DSCAM: variants seen among roughly 807,000 people sequenced by gnomAD.
DSCAM encodes cell adhesion molecule DSCAM.
A neutral mutation model predicts 217.7 loss-of-function variants in DSCAM; 47 were observed. The observed-to-expected ratio is 0.22, with a 90% CI of 0.17 to 0.28. The LOEUF (loss-of-function observed/expected upper bound fraction) is 0.28, where lower values mean the gene tolerates loss of function less well. Ranked by LOEUF, DSCAM falls within the 10% of genes least tolerant of loss-of-function variation. The pLI, the probability that DSCAM is intolerant of heterozygous loss-of-function variation, is 1.00. For missense variants in DSCAM, 2,080 were observed against 2,618.3 expected, an observed-to-expected ratio of 0.79 and a Z score of 4.49; for synonymous variants, 1,056 against 1,015.3, an observed-to-expected ratio of 1.04 and a Z score of -0.76.
intron 11 of DSCAM, among the ~76,000 whole-genome samples, chr21:40,248,954 C>T (rs565582552): frequency 6.6e-6 from 1 of 152,108 alleles, no homozygotes. Context: ...AAAGCAGAAA[C>T]CCCTGATAAA....
intron 10 of DSCAM, among the ~76,000 whole-genome samples, chr21:40,278,510 A>G (rs1184440166): frequency 6.6e-6 from 1 of 152,136 alleles, no homozygotes; most frequent in Admixed American, 6.6e-5. Flanking sequence ...GGGTGGGGGC[A>G]AGACTTGAGA....
At chr21:40,450,883 A>C (rs114673473) in intron 3 of DSCAM, among the ~76,000 whole-genome samples, 2,946 of 152,192 alleles carry the variant, frequency 0.019, 110 homozygotes, top group African/African-American at 0.067. Context: ...TCTTTTTTGC[A>C]TCTTAGGATT....
intron 11 of DSCAM, among the ~76,000 whole-genome samples, chr21:40,262,051 C>CACTT (rs2073460384): frequency 6.6e-6 from 1 of 152,066 alleles, no homozygotes; most frequent in African/African-American, 2.4e-5. Context: ...CTCTCCCTCT[C>CACTT]GCTTTCTTTC....
intron 3 of DSCAM, among the ~76,000 whole-genome samples, chr21:40,422,361 G>A (rs1282531877): frequency 6.6e-6 from 1 of 152,192 alleles, no homozygotes; most frequent in Non-Finnish European, 1.5e-5. Context: ...CGAGCACAGT[G>A]GCTCACTCCT....
At chr21:40,081,365 G>A (rs967196551) in intron 24 of DSCAM, among the ~76,000 whole-genome samples, 1 of 151,974 alleles carries the variant, frequency 6.6e-6, no homozygotes, top group Non-Finnish European at 1.5e-5. Flanking sequence ...AAACCCAAAT[G>A]GGCAGGTTTG....
At chr21:40,709,674 G>A (rs963471681) in intron 1 of DSCAM, among the ~76,000 whole-genome samples, 4 of 152,034 alleles carry the variant, frequency 2.6e-5, no homozygotes, top group Non-Finnish European at 5.9e-5. Flanking sequence ...TGAACTCATC[G>A]TTTTTTATGG....
intron 1 of DSCAM, among the ~76,000 whole-genome samples, chr21:40,792,639 A>G (rs950086863): frequency 6.6e-6 from 1 of 152,234 alleles, no homozygotes; most frequent in African/African-American, 2.4e-5. Context: ...GAATTCTGCC[A>G]TCAGGAATCA....
chr21:40,700,132 T>G (rs1601141964), intron 2 of DSCAM, among the ~76,000 whole-genome samples: 1 of 152,224 alleles, frequency 6.6e-6, no homozygotes, highest in Non-Finnish European at 1.5e-5. Context: ...ATGACAAATC[T>G]ACTTTGCCTA....
At chr21:40,483,673 C>G (rs898943845) in intron 3 of DSCAM, among the ~76,000 whole-genome samples, 22 of 152,084 alleles carry the variant, frequency 1.4e-4, no homozygotes, top group African/African-American at 5.3e-4. Context: ...ATTCCTTTAA[C>G]AACTATGAAT....
At chr21:40,798,109 C>T (rs767814730) in intron 1 of DSCAM, among the ~76,000 whole-genome samples, 2 of 151,912 alleles carry the variant, frequency 1.3e-5, no homozygotes, top group Non-Finnish European at 2.9e-5. Flanking sequence ...TCAAGTTAGC[C>T]AGCAGATTTA....
At chr21:40,507,304 A>T (rs1451096603) in intron 3 of DSCAM, among the ~76,000 whole-genome samples, 1 of 152,102 alleles carries the variant, frequency 6.6e-6, no homozygotes, top group Non-Finnish European at 1.5e-5. Context: ...AAATAAATTT[A>T]AAAAAACAGC....
chr21:40,607,550 C>T (rs1455798439), intron 3 of DSCAM, among the ~76,000 whole-genome samples: 1 of 152,006 alleles, frequency 6.6e-6, no homozygotes, highest in Non-Finnish European at 1.5e-5. Context: ...GTGAATTGTA[C>T]TGCCATAATT....
At chr21:40,750,247 C>G (rs966163497) in intron 1 of DSCAM, among the ~76,000 whole-genome samples, 6 of 152,098 alleles carry the variant, frequency 3.9e-5, no homozygotes, top group Admixed American at 6.6e-5. Flanking sequence ...CCACTTTCTC[C>G]CTCAGCCTCC....
chr21:40,629,460 A>G (rs1305948793), intron 3 of DSCAM: 1 of 152,210 alleles, frequency 6.6e-6, no homozygotes, highest in Non-Finnish European at 1.5e-5. Context: ...TGAAGCCAGA[A>G]CTGGCCGTGT....
Position 40,187,122 on chromosome 21 carries a change from A to G in DSCAM, c.2779+9T>C, listed in dbSNP as rs756099297. 1 of 1,611,906 alleles carries G rather than the reference A, an allele frequency of 6.2e-7. No individual in the cohort carries two copies. Among genetic ancestry groups the G allele is most frequent in the Non-Finnish European group, 8.5e-7 (1 of 1,179,264 alleles). Reference sequence around the variant, plus strand: ...GTGGAAGGGAAGCTGGAGGAAGTAAAGAACTTACCTGATTTATTTTTGCAT... The same window carrying G: ...GTGGAAGGGAAGCTGGAGGAAGTAAGGAACTTACCTGATTTATTTTTGCAT... On this transcript the variant is annotated intron_variant, in intron 14 of 32. Coordinates refer to ENST00000400454, the MANE Select transcript of DSCAM (RefSeq NM_001389.5).
chr21:40,498,425 C>T (rs1433110635), intron 3 of DSCAM, among the ~76,000 whole-genome samples: 3 of 151,646 alleles, frequency 2.0e-5, no homozygotes, highest in East Asian at 2.0e-4. Flanking sequence ...TCCCTTTCTG[C>T]TGTAGATGGG....
At chr21:40,777,872 AGAG>A (rs1175342268) in intron 1 of DSCAM, among the ~76,000 whole-genome samples, 5 of 152,194 alleles carry the variant, frequency 3.3e-5, no homozygotes, top group African/African-American at 1.2e-4. Flanking sequence ...TCAAAAACAA[AGAG>A]GAGATCTTAA....
intron 3 of DSCAM, among the ~76,000 whole-genome samples, chr21:40,417,511 ATTG>A (rs1271869108): frequency 2.6e-5 from 4 of 152,204 alleles, no homozygotes; most frequent in Non-Finnish European, 4.4e-5. Context: ...ACACAAGTTA[ATTG>A]TTGTGTCTAA....
At chr21:40,671,512 C>T (rs1001076851) in intron 3 of DSCAM, among the ~76,000 whole-genome samples, 1 of 151,686 alleles carries the variant, frequency 6.6e-6, no homozygotes, top group Admixed American at 6.6e-5. Context: ...CCCCCCCGCA[C>T]CGTCTCTATT....
Sources: gnomAD v4.1 joint callset for allele counts (sites outside exome capture counted in the v4.1 genomes callset) on GRCh38, gnomAD v4.1.1 for gene constraint, MANE v1.5 for transcripts, NCBI Gene and HGNC (gene_info 2026-07-23, HGNC 2026-07-21) for gene names.